The following UTRN variants were observed in gnomAD, a reference collection of about 807,000 sequenced individuals.
The protein encoded by UTRN is dystrophin-related protein 1.
In UTRN, 283 loss-of-function variants were observed where a neutral mutation model predicts 463.9. That is an observed-to-expected ratio of 0.61 (90% CI 0.55 to 0.67). UTRN has a LOEUF of 0.67. Among genes scored for constraint, UTRN ranks in the 30% least tolerant of loss-of-function variants. UTRN has a pLI of 0.00. For synonymous variants in UTRN, 1,442 were observed against 1,431.5 expected, an observed-to-expected ratio of 1.01 and a Z score of -0.17; for missense variants, 3,922 against 4,084.3, an observed-to-expected ratio of 0.96 and a Z score of 1.08.
rs148433126 is a variant in UTRN, at chr6:144,354,143, G to A, written c.80-48980G>A. On this transcript the variant is annotated intron_variant, in intron 2 of 74. Transcript: ENST00000367545. ...ATTTTGCAACTGTTTTCACACTTGG[G>A]TATCGGTTTCTAGATCTAAAGCAGT... 1.0e-3 allele frequency among the ~76,000 whole-genome samples: 154 copies of A among 152,270 alleles called. 1 individual carries two copies. The highest frequency in any genetic ancestry group is 3.4e-3 in the Middle Eastern group (1 of 294).
At chr6:144,434,003 GGAGGTTGTAGCGAGCC>G (rs959485291) in intron 9 of UTRN, among the ~76,000 whole-genome samples, 202 of 152,352 alleles carry the variant, frequency 1.3e-3, no homozygotes, top group Non-Finnish European at 1.7e-3. Context: ...GCTGGGATGT[GGAGGTTGTAGCGAGCC>G]GAGATCACGC....
At chr6:144,823,443 C>T (rs551573651) in intron 66 of UTRN, among the ~76,000 whole-genome samples, 1 of 152,066 alleles carries the variant, frequency 6.6e-6, no homozygotes, top group Non-Finnish European at 1.5e-5. Flanking sequence ...GGGAGGAGAA[C>T]ATTGGAGAAA....
chr6:144,685,544 A>G (rs1444850576), intron 52 of UTRN, among the ~76,000 whole-genome samples: 1 of 152,104 alleles, frequency 6.6e-6, no homozygotes, highest in Non-Finnish European at 1.5e-5. Flanking sequence ...TTGACTTTTT[A>G]ATAATGGCCG....
chr6:144,487,192 A>G (rs1432748909), intron 28 of UTRN, among the ~76,000 whole-genome samples: 1 of 151,704 alleles, frequency 6.6e-6, no homozygotes, highest in Admixed American at 6.6e-5. Context: ...GTTTAGAGAC[A>G]TAGTCTCGCT....
chr6:144,506,714 T>C (rs1213943348), intron 34 of UTRN, among the ~76,000 whole-genome samples: 2 of 152,196 alleles, frequency 1.3e-5, no homozygotes, highest in Admixed American at 1.3e-4. Context: ...ATTTCAACCT[T>C]GGTGAATCTG....
At chr6:144,816,579 A>AAAT (rs2128751643) in intron 65 of UTRN, among the ~76,000 whole-genome samples, 1 of 152,256 alleles carries the variant, frequency 6.6e-6, no homozygotes, top group South Asian at 2.1e-4. Flanking sequence ...CTGGATGGTC[A>AAAT]AATAGCTGGC....
At position 144,722,413 on chromosome 6, in the gene UTRN, C is replaced by G. The variant is rs139157887; in HGVS notation, c.7810-7944C>G. Among the ~76,000 whole-genome samples, 3 of 152,136 alleles carry G rather than the reference C, an allele frequency of 2.0e-5. No homozygotes were observed. The East Asian group carries it at 5.8e-4, about 30-fold the overall frequency. ...CCTCATCTTCAACCCACCATCCTCT[C>G]CCACTCATCCTGTGTGGTAGATTTT... is the stretch of plus-strand genomic sequence containing the variant. On this transcript the variant is annotated intron_variant, in intron 53 of 74. Transcript: ENST00000367545.
chr6:144,609,398 A>G (rs750905284), intron 51 of UTRN, among the ~76,000 whole-genome samples: 20 of 152,258 alleles, frequency 1.3e-4, no homozygotes, highest in Admixed American at 3.9e-4. Context: ...ATAATTGTAA[A>G]CGCATATGAA....
chr6:144,551,689 A>T (rs911392905), intron 48 of UTRN, among the ~76,000 whole-genome samples: 9 of 152,194 alleles, frequency 5.9e-5, no homozygotes, highest in African/African-American at 1.9e-4. Flanking sequence ...GGAATGTACT[A>T]CCAATAGCAA....
chr6:144,704,632 GA>G (rs1321633328), intron 53 of UTRN, among the ~76,000 whole-genome samples: 1 of 152,062 alleles, frequency 6.6e-6, no homozygotes, highest in Non-Finnish European at 1.5e-5. Flanking sequence ...TACCCTTACA[GA>G]AAAGAAAAAC....
intron 2 of UTRN, chr6:144,344,246 A>G: frequency 7.7e-7 from 1 of 1,304,156 alleles, no homozygotes; most frequent in Non-Finnish European, 1.0e-6. Flanking sequence ...TTCATTGGAA[A>G]AAGTGCAGAT....
Position 144,514,774 on chromosome 6 carries a change from T to A in UTRN, c.5198T>A (p.Leu1733Gln). 6.2e-7 allele frequency: 1 copy of A among 1,614,148 alleles called. No homozygotes were observed. Among genetic ancestry groups the A allele is most frequent in the Non-Finnish European group, 8.5e-7 (1 of 1,180,008 alleles). ...RELVEPKLAELNRNFEKVSQH... is the reference protein window; with the variant it reads ...RELVEPKLAEQNRNFEKVSQH... ...CTTGTAGAACCAAAGTTAGCTGAGCTGAATAGGAACTTTGAAAAGGTGTCT... is the reference window on the plus strand; with the variant it reads ...CTTGTAGAACCAAAGTTAGCTGAGCAGAATAGGAACTTTGAAAAGGTGTCT... Residue 1733 changes from leucine to glutamine, a missense_variant, in exon 37 of 75, where the codon CTG becomes CAG. Around this residue, in one of 3 missense-constraint regions of UTRN, gnomAD observed 2,349 missense variants for 2,303.8 expected, o/e 1.02. Transcript: ENST00000367545.
chr6:144,604,800 A>C (rs1804658414), intron 51 of UTRN, among the ~76,000 whole-genome samples: 1 of 152,140 alleles, frequency 6.6e-6, no homozygotes, highest in Non-Finnish European at 1.5e-5. Flanking sequence ...CTGTAATCCC[A>C]GCTACTGGGG....
chr6:144,580,367 C>G (rs1327494571), intron 51 of UTRN, among the ~76,000 whole-genome samples: 3 of 152,120 alleles, frequency 2.0e-5, no homozygotes, highest in Admixed American at 1.3e-4. Flanking sequence ...TGCTTCATGT[C>G]TTATGACAAC....
chr6:144,605,622 A>G (rs1804758750), intron 51 of UTRN, among the ~76,000 whole-genome samples: 1 of 150,776 alleles, frequency 6.6e-6, no homozygotes, highest in Non-Finnish European at 1.5e-5. Context: ...TTAAAACGCT[A>G]CAGTCCTATT....
chr6:144,636,960 T>C (rs1382350031), intron 51 of UTRN, among the ~76,000 whole-genome samples: 1 of 152,110 alleles, frequency 6.6e-6, no homozygotes, highest in African/African-American at 2.4e-5. Flanking sequence ...TCTTTCTTGA[T>C]TTTTGTTTGT....
rs115198550 is a variant in UTRN, at chr6:144,426,315, C to T, written c.434C>T (p.Ser145Leu). The T allele has an allele frequency of 5.8e-4, 939 of 1,613,764 alleles. No homozygotes were observed. The highest frequency in any genetic ancestry group is 6.9e-4 in the Non-Finnish European group (815 of 1,179,854). Residue 145 changes from serine (S) to leucine (L), a missense_variant, in exon 7 of 75, where the codon TCG becomes TTG. Ser to Leu is a moderately radical substitution (Grantham distance 145, BLOSUM62 -2). Transcript: ENST00000367545. ...AAAGATGTCATGAAGGATGTCATGT[C>T]GGACCTGCAGCAGACGAACAGTGAG... ...QVKDVMKDVMSDLQQTNSEKI... is the reference protein window; with the variant it reads ...QVKDVMKDVMLDLQQTNSEKI...
chr6:144,683,164 C>T (rs1023745243), intron 52 of UTRN, among the ~76,000 whole-genome samples: 1 of 152,112 alleles, frequency 6.6e-6, no homozygotes, highest in Non-Finnish European at 1.5e-5. Flanking sequence ...GAGCTGTCAA[C>T]CAAACCCCAG....
intron 65 of UTRN, among the ~76,000 whole-genome samples, chr6:144,809,665 G>A (rs993867333): frequency 6.6e-6 from 1 of 152,034 alleles, no homozygotes; most frequent in South Asian, 2.1e-4. Context: ...GACTGAAGTG[G>A]GACATAGAAG....
Sources: allele counts gnomAD v4.1 joint callset (sites outside exome capture counted in the v4.1 genomes callset), GRCh38; gene constraint gnomAD v4.1.1; regional missense constraint gnomAD v4.1.1; transcripts MANE v1.5; gene names NCBI Gene and HGNC (gene_info 2026-07-23, HGNC 2026-07-21).